HS6ST2: variants seen among roughly 807,000 people sequenced by gnomAD.
HS6ST2 encodes heparan-sulfate 6-O-sulfotransferase 2.
Under a neutral mutation model 33.0 loss-of-function variants are expected in HS6ST2, and 17 were observed. The ratio of observed to expected loss-of-function variants is 0.52; its 90% confidence interval spans 0.35 to 0.77. HS6ST2 has a LOEUF of 0.77. Ranked by LOEUF, HS6ST2 falls within the 30% of genes least tolerant of loss-of-function variation. The pLI is 0.01. For synonymous variants in HS6ST2, 248 were observed against 237.1 expected, an observed-to-expected ratio of 1.05 and a Z score of -0.42; for missense variants, 519 against 551.7, an observed-to-expected ratio of 0.94 and a Z score of 0.59.
intron 4 of HS6ST2, among the ~76,000 whole-genome samples, chrX:132,637,854 TA>T (rs1282404838): frequency 0.012 from 315 of 26,552 alleles, 8 homozygotes; most frequent in African/African-American, 0.019. Context: ...ATATATAATA[TA>T]TATATAATAT....
At chrX:132,896,189 A>G (rs1490983354) in intron 2 of HS6ST2, among the ~76,000 whole-genome samples, 6 of 110,662 alleles carry the variant, frequency 5.4e-5, no homozygotes. Context: ...AGAAAGAATG[A>G]GCCGGGAGTG....
chrX:132,729,908 T>A (rs2064439799), intron 2 of HS6ST2, among the ~76,000 whole-genome samples: 1 of 109,791 alleles, frequency 9.1e-6, no homozygotes, highest in African/African-American at 3.3e-5. Flanking sequence ...TAGACTATGA[T>A]GTGAATGGCA....
chrX:132,691,201 C>G lies in HS6ST2; in HGVS notation c.980+17261G>C, dbSNP rs1001331232. Among the ~76,000 whole-genome samples, 3 of 111,816 alleles carry G rather than the reference C, an allele frequency of 2.7e-5. No homozygotes were observed. In the South Asian group the frequency reaches 1.2e-3, roughly 43 times the overall value. ...TCGAGGACAAAGGGTAAGTCATTAA[C>G]TTCTGTGAGCCTTCCTACTTATCTT... On this transcript the variant is annotated intron_variant, in intron 3 of 4. Coordinates refer to ENST00000370833, the MANE Select transcript of HS6ST2 (RefSeq NM_001394073.1).
chrX:132,764,366 G>T (rs1305838729), intron 2 of HS6ST2, among the ~76,000 whole-genome samples: 1 of 112,042 alleles, frequency 8.9e-6, no homozygotes, highest in African/African-American at 3.2e-5. Flanking sequence ...AAAGGCATTT[G>T]AACAACCATT....
intron 2 of HS6ST2, among the ~76,000 whole-genome samples, chrX:132,820,220 A>G (rs1569494307): frequency 9.1e-6 from 1 of 110,098 alleles, no homozygotes; most frequent in Admixed American, 9.7e-5. Context: ...TTTTTTTAAG[A>G]GAGAGTTTGA....
At chrX:132,836,426 G>A (rs1336408953) in intron 2 of HS6ST2, among the ~76,000 whole-genome samples, 1 of 112,745 alleles carries the variant, frequency 8.9e-6, no homozygotes, top group Non-Finnish European at 1.9e-5. Flanking sequence ...GCTAGGGCAG[G>A]GGGCCCCTGT....
intron 2 of HS6ST2, among the ~76,000 whole-genome samples, chrX:132,781,988 T>C (rs1332364033): frequency 1.8e-5 from 2 of 112,011 alleles, no homozygotes; most frequent in Admixed American, 1.9e-4. Flanking sequence ...GCATTCATCC[T>C]GTGGTTTCAA....
At position 132,628,866 on chromosome X, in the gene HS6ST2, C is replaced by T. The variant is rs1287608029; in HGVS notation, c.1295G>A (p.Arg432His). Residue 432 changes from arginine to histidine, a missense_variant, in exon 5 of 5, where the codon CGC becomes CAC. By Grantham distance (29) the Arg-to-His change is conservative (BLOSUM62 0). Coordinates refer to ENST00000370833, the MANE Select transcript of HS6ST2 (RefSeq NM_001394073.1). ...PYNLANNRQVRMLSDLTLVGC... is the reference protein window; with the variant it reads ...PYNLANNRQVHMLSDLTLVGC... ...TACCAGGGTCAGGTCGGAGAGCATG[C>T]GCACCTGGCGGTTGTTGGCTAGATT... is the stretch of plus-strand genomic sequence containing the variant. 2 of 1,211,500 alleles carry T rather than the reference C, an allele frequency of 1.7e-6. No homozygotes were observed. The highest frequency in any genetic ancestry group is 2.2e-6 in the Non-Finnish European group (2 of 895,367).
intron 2 of HS6ST2, among the ~76,000 whole-genome samples, chrX:132,862,945 C>A (rs2065926963): frequency 8.9e-6 from 1 of 112,056 alleles, no homozygotes; most frequent in Admixed American, 9.5e-5. Flanking sequence ...ATTTAGAAAT[C>A]AATGGCTGAG....
In HS6ST2 at chrX:132,735,989, C is replaced by G. The variant is rs945852265; in HGVS notation, c.948-27495G>C. Among the ~76,000 whole-genome samples, 6 of 110,734 alleles carry G rather than the reference C, an allele frequency of 5.4e-5. No homozygotes were observed. The Admixed American group carries it at 5.7e-4, about 11-fold the overall frequency. ...TGAGTAGCTGGGATTACATGCCATG[C>G]GTGCACCACCAGGCCCGGCTAATTT... On this transcript the variant is annotated intron_variant, in intron 2 of 4. Coordinates refer to ENST00000370833, the MANE Select transcript of HS6ST2 (RefSeq NM_001394073.1).
intron 2 of HS6ST2, among the ~76,000 whole-genome samples, chrX:132,751,253 G>A (rs1028670817): frequency 9.1e-6 from 1 of 110,236 alleles, no homozygotes; most frequent in Non-Finnish European, 1.9e-5. Context: ...CCTGAGGTGG[G>A]GCGGGGCGGG....
At chrX:132,813,985 C>T (rs766796995) in intron 2 of HS6ST2, among the ~76,000 whole-genome samples, 1 of 111,667 alleles carries the variant, frequency 9.0e-6, no homozygotes, top group Non-Finnish European at 1.9e-5. Flanking sequence ...CGCTCTGTCG[C>T]CCAGGCTGGA....
chrX:132,838,147 G>A (rs944109207), intron 2 of HS6ST2, among the ~76,000 whole-genome samples: 11 of 110,873 alleles, frequency 9.9e-5, no homozygotes, highest in Admixed American at 4.8e-4. Flanking sequence ...AGCTCTCCCC[G>A]CCCACCCACT....
intron 2 of HS6ST2, among the ~76,000 whole-genome samples, chrX:132,755,403 G>A (rs1244547949): frequency 1.8e-5 from 2 of 111,633 alleles, no homozygotes; most frequent in African/African-American, 6.5e-5. Flanking sequence ...TCCTGGAATC[G>A]GTCATTTCTC....
At chrX:132,922,263 G>T (rs762685144) in intron 2 of HS6ST2, among the ~76,000 whole-genome samples, 1 of 111,394 alleles carries the variant, frequency 9.0e-6, no homozygotes, top group South Asian at 3.8e-4. Flanking sequence ...AAACAAATTA[G>T]CCAGGTGTGG....
chrX:132,803,138 AAGCAGCC>A (rs1430170642), intron 2 of HS6ST2, among the ~76,000 whole-genome samples: 1 of 111,503 alleles, frequency 9.0e-6, no homozygotes, highest in Non-Finnish European at 1.9e-5. Context: ...TTGGTTAGCT[AAGCAGCC>A]AGCTTCTCTC....
intron 2 of HS6ST2, among the ~76,000 whole-genome samples, chrX:132,910,559 T>G (rs1002705200): frequency 6.3e-5 from 7 of 111,845 alleles, no homozygotes; most frequent in African/African-American, 2.0e-4. Context: ...AGAATTTAGA[T>G]TTTGTTAGTG....
intron 2 of HS6ST2, among the ~76,000 whole-genome samples, chrX:132,806,119 T>C (rs1569493054): frequency 1.8e-5 from 2 of 110,428 alleles, no homozygotes; most frequent in African/African-American, 6.5e-5. Context: ...CCTAGTACAC[T>C]AACACAAGCA....
intron 2 of HS6ST2, among the ~76,000 whole-genome samples, chrX:132,764,329 C>T (rs1003571979): frequency 1.8e-5 from 2 of 112,029 alleles, no homozygotes; most frequent in African/African-American, 6.5e-5. Context: ...ATTTTGGAAT[C>T]AGAAAATATG....
Sources: allele counts gnomAD v4.1 joint callset (sites outside exome capture counted in the v4.1 genomes callset), GRCh38; gene constraint gnomAD v4.1.1; transcripts MANE v1.5; gene names NCBI Gene and HGNC (gene_info 2026-07-23, HGNC 2026-07-21).